Variants in TMEM245 observed in about 807,000 individuals in gnomAD.
The protein encoded by TMEM245 is transmembrane protein 245.
Under a neutral mutation model 101.2 loss-of-function variants are expected in TMEM245, and 69 were observed. The observed-to-expected ratio is 0.68, with a 90% CI of 0.56 to 0.83. TMEM245 has a LOEUF of 0.83. TMEM245 is among the 40% of genes least tolerant of loss of function. The pLI, the probability that TMEM245 is intolerant of heterozygous loss-of-function variation, is 0.00. For synonymous variants in TMEM245, 537 were observed against 449.8 expected (o/e 1.19, Z -2.45); for missense variants, 1,075 against 1,092.8 (o/e 0.98, Z 0.23).
At chr9:109,096,630 A>G (rs1480270403) in intron 3 of TMEM245, among the ~76,000 whole-genome samples, 2 of 152,240 alleles carry the variant, frequency 1.3e-5, no homozygotes, top group African/African-American at 4.8e-5. Flanking sequence ...AAAGTTTGGG[A>G]ACACCTAATG....
intron 1 of TMEM245, among the ~76,000 whole-genome samples, chr9:109,111,459 G>A (rs1204399980): frequency 3.3e-5 from 5 of 152,136 alleles, no homozygotes; most frequent in African/African-American, 9.6e-5. Flanking sequence ...ATAAGAGACT[G>A]CATACTTCAG....
At chr9:109,092,805 A>AT (rs1830042479) in intron 4 of TMEM245, among the ~76,000 whole-genome samples, 2 of 152,150 alleles carry the variant, frequency 1.3e-5, no homozygotes, top group Non-Finnish European at 2.9e-5. Flanking sequence ...TACAGCTGGT[A>AT]TATCTACCAG....
At chr9:109,074,123 G>A (rs1829423238) in intron 8 of TMEM245, among the ~76,000 whole-genome samples, 1 of 152,112 alleles carries the variant, frequency 6.6e-6, no homozygotes, top group South Asian at 2.1e-4. Context: ...GCCTCCCAAA[G>A]TGCTAGGATT....
intron 8 of TMEM245, 74 bp downstream of exon 8, chr9:109,080,765 G>T: frequency 4.4e-6 from 4 of 916,706 alleles, no homozygotes; most frequent in Non-Finnish European, 6.8e-6. Context: ...TGCCCCTTCT[G>T]CTAGCTTTTA....
At chr9:109,114,864 G>C (rs1830670976) in intron 1 of TMEM245, among the ~76,000 whole-genome samples, 1 of 151,922 alleles carries the variant, frequency 6.6e-6, no homozygotes, top group Non-Finnish European at 1.5e-5. Context: ...TTTTTTTTTA[G>C]GTGTTCTGAA....
intron 17 of TMEM245, among the ~76,000 whole-genome samples, chr9:109,021,957 C>A (rs1564164946): frequency 6.6e-6 from 1 of 152,180 alleles, no homozygotes; most frequent in Non-Finnish European, 1.5e-5. Context: ...TAGGTACAAT[C>A]ACCTAAAAAC....
At chr9:109,089,242 A>T (rs77546808) in intron 5 of TMEM245, among the ~76,000 whole-genome samples, 1 of 152,112 alleles carries the variant, frequency 6.6e-6, no homozygotes, top group South Asian at 2.1e-4. Context: ...TCAAAAAAAA[A>T]AAAAATACAG....
chr9:109,102,526 A>G (rs1830305741), intron 3 of TMEM245, among the ~76,000 whole-genome samples: 1 of 152,244 alleles, frequency 6.6e-6, no homozygotes. Context: ...AATGCTCTAT[A>G]AGTGTATTCA....
intron 12 of TMEM245, among the ~76,000 whole-genome samples, chr9:109,056,165 GGAAA>G (rs1476406033): frequency 6.6e-6 from 1 of 152,114 alleles, no homozygotes; most frequent in Non-Finnish European, 1.5e-5. Flanking sequence ...AAATACCCAG[GGAAA>G]GCTAAAAGAA....
chr9:109,077,762 GTGTA>G (rs1430365299), intron 8 of TMEM245, among the ~76,000 whole-genome samples: 2 of 152,196 alleles, frequency 1.3e-5, no homozygotes, highest in African/African-American at 4.8e-5. Flanking sequence ...AGTTTGCACA[GTGTA>G]TGTTTTTTAA....
intron 7 of TMEM245, among the ~76,000 whole-genome samples, chr9:109,085,006 G>A (rs929359470): frequency 6.6e-6 from 1 of 152,080 alleles, no homozygotes; most frequent in East Asian, 1.9e-4. Flanking sequence ...CTTAAGGCCT[G>A]ATATAATATT....
chr9:109,118,884 G>A (rs191264110), intron 1 of TMEM245, among the ~76,000 whole-genome samples: 43 of 152,296 alleles, frequency 2.8e-4, no homozygotes, highest in Admixed American at 7.2e-4. Context: ...CTGGTAAGAG[G>A]TCACCTTTCC....
At chr9:109,109,564 T>A (rs1053847018) in intron 1 of TMEM245, among the ~76,000 whole-genome samples, 6 of 152,154 alleles carry the variant, frequency 3.9e-5, no homozygotes, top group Non-Finnish European at 7.4e-5. Flanking sequence ...TTTGGTCAAA[T>A]CTATCAATAC....
intron 17 of TMEM245, among the ~76,000 whole-genome samples, chr9:109,021,984 CTG>C (rs1827639349): frequency 6.6e-6 from 1 of 152,164 alleles, no homozygotes; most frequent in African/African-American, 2.4e-5. Context: ...AATAAACAAT[CTG>C]AACTTCAAAT....
chr9:109,035,480 C>A (rs1195085309), intron 16 of TMEM245, among the ~76,000 whole-genome samples: 1 of 152,094 alleles, frequency 6.6e-6, no homozygotes. Context: ...TAGATTTAAC[C>A]TGTATTTATC....
chr9:109,064,378 C>T, intron 10 of TMEM245, 99 bp downstream of exon 10: 1 of 1,038,016 alleles, frequency 9.6e-7, no homozygotes, highest in Non-Finnish European at 1.4e-6. Flanking sequence ...CTATTTACTG[C>T]TGTGAATAGC....
In TMEM245 at chr9:109,091,158, G is replaced by A. The variant is rs771892575; in HGVS notation, c.917-3C>T. 1 of 1,611,866 alleles carries A rather than the reference G, an allele frequency of 6.2e-7. No individual in the cohort carries two copies. The highest frequency in any genetic ancestry group is 1.1e-5 in the South Asian group (1 of 90,930). On this transcript the variant is annotated splice_polypyrimidine_tract_variant and splice_region_variant and intron_variant, in intron 4 of 17. Transcript: ENST00000374586. The stretch of plus-strand genomic sequence containing the variant: ...GGATTCTCCCCTGTCCACTGCTTCT[G>A]AAAAGGAAAAGAAAAACACCACACA...
At chr9:109,057,568 T>C (rs547717057) in intron 11 of TMEM245, among the ~76,000 whole-genome samples, 98 of 152,166 alleles carry the variant, frequency 6.4e-4, no homozygotes, top group African/African-American at 2.3e-3. Flanking sequence ...CTGACCAACA[T>C]GGTGAAACCC....
chr9:109,080,988 C>T (rs535308761), intron 7 of TMEM245, 45 bp from the exon 8 acceptor site: 1 of 1,268,262 alleles, frequency 7.9e-7, no homozygotes, highest in South Asian at 1.2e-5. Context: ...TAAAGTAGAA[C>T]TTTAAAAATA....
Sources: allele counts gnomAD v4.1 joint callset (sites outside exome capture counted in the v4.1 genomes callset), GRCh38; gene constraint gnomAD v4.1.1; transcripts MANE v1.5; gene names NCBI Gene and HGNC (gene_info 2026-07-23, HGNC 2026-07-21).